DNAH12: variants seen among roughly 807,000 people sequenced by gnomAD.
The protein encoded by DNAH12 is axonemal beta dynein heavy chain 12.
Under a neutral mutation model 371.5 loss-of-function variants are expected in DNAH12, and 285 were observed. The ratio of observed to expected loss-of-function variants is 0.77; its 90% CI spans 0.70 to 0.85. The LOEUF (loss-of-function observed/expected upper bound fraction) is 0.85. Among genes scored for constraint, DNAH12 ranks in the 40% least tolerant of loss-of-function variants. The pLI is 0.00. For synonymous variants in DNAH12, 1,200 were observed against 1,213.0 expected (o/e 0.99, Z 0.22); for missense variants, 3,611 against 3,689.4 (o/e 0.98, Z 0.55).
chr3:57,475,525 T>C (rs1298902879), intron 13 of DNAH12, among the ~76,000 whole-genome samples: 1 of 152,188 alleles, frequency 6.6e-6, no homozygotes, highest in Non-Finnish European at 1.5e-5. Flanking sequence ...AACTGTATAC[T>C]TAAAAATGGT....
chr3:57,502,503 A>G (rs758997181), intron 9 of DNAH12, 24 bp from the exon 10 acceptor site: 2 of 1,600,006 alleles, frequency 1.3e-6, no homozygotes, highest in Admixed American at 3.3e-5. Flanking sequence ...AAATAATAAC[A>G]ATGTATACAA....
chr3:57,378,002 G>T (rs1327473492), intron 52 of DNAH12, among the ~76,000 whole-genome samples: 1 of 152,146 alleles, frequency 6.6e-6, no homozygotes, highest in African/African-American at 2.4e-5. Context: ...AGAGAGCAGT[G>T]TATCAGACAC....
intron 42 of DNAH12, among the ~76,000 whole-genome samples, chr3:57,404,149 G>A (rs868990405): frequency 6.6e-6 from 1 of 152,170 alleles, no homozygotes; most frequent in Middle Eastern, 3.4e-3. Context: ...AAGGAGACAC[G>A]GATGTGAATT....
Position 57,542,768 on chromosome 3 carries a change from G to C in DNAH12, c.103C>G (p.Pro35Ala), listed in dbSNP as rs763068645. Residue 35 changes from proline to alanine, a missense_variant, in exon 2 of 74, where the codon CCA (proline) becomes GCA (alanine). Physicochemically the swap from Pro to Ala is conservative, Grantham distance 27. Transcript: ENST00000495027. ...TATTTTAGCAGCTTACTTTGTGTTG[G>C]TGTATCAACGCCTATGTTTTCTGGG... Reference protein sequence around the residue: ...HLPENIGVDTPTQSKLLKYRR... With the variant: ...HLPENIGVDTATQSKLLKYRR... 1.9e-6 allele frequency: 3 copies of C among 1,612,328 alleles called. No individual in the cohort carries two copies. In the South Asian group the frequency reaches 3.3e-5, roughly 18 times the overall value.
chr3:57,450,332 T>G (rs111458897), intron 25 of DNAH12, among the ~76,000 whole-genome samples: 15,932 of 150,554 alleles, frequency 0.11, 988 homozygotes, highest in South Asian at 0.15. Flanking sequence ...GCAGATCACC[T>G]GAGGTAGGGA....
chr3:57,314,519 AAG>A lies in DNAH12; in HGVS notation c.10635_10636del (p.Leu3546AlafsTer13). ...CTGCAGTTGTCGGATACTGATGCGC[AAG>A]TCAGATTCATTAAATCCATATGGAA... On this transcript the variant is annotated frameshift_variant, in exon 66 of 74. Transcript: ENST00000495027. LOFTEE classifies it high-confidence loss of function. The A allele has an allele frequency of 6.4e-7, 1 of 1,551,190 alleles. No individual in the cohort carries two copies. The highest frequency in any genetic ancestry group is 8.7e-7 in the Non-Finnish European group (1 of 1,146,868).
intron 43 of DNAH12, among the ~76,000 whole-genome samples, chr3:57,395,732 C>T (rs985479784): frequency 1.5e-4 from 22 of 151,080 alleles, no homozygotes; most frequent in Non-Finnish European, 3.1e-4. Flanking sequence ...ATTTCTTGAG[C>T]CCAGGAGTTT....
chr3:57,537,212 G>T (rs1353164337), intron 2 of DNAH12, among the ~76,000 whole-genome samples: 4 of 151,808 alleles, frequency 2.6e-5, no homozygotes, highest in African/African-American at 7.3e-5. Context: ...AAAAGAGGGG[G>T]TGGCAAAAAC....
chr3:57,390,577 A>G (rs924867790), intron 45 of DNAH12, among the ~76,000 whole-genome samples: 1 of 148,252 alleles, frequency 6.7e-6, no homozygotes, highest in Admixed American at 6.8e-5. Context: ...ACCAGAAACT[A>G]TTTTTTTTCT....
chr3:57,531,767 C>CA (rs35142998), intron 2 of DNAH12, among the ~76,000 whole-genome samples: 3,620 of 48,562 alleles, frequency 0.075, 209 homozygotes, highest in East Asian at 0.18. Flanking sequence ...CACTCCATCT[C>CA]AAAAAAAAAA....
At chr3:57,396,284 A>AC (rs2063735320) in intron 43 of DNAH12, among the ~76,000 whole-genome samples, 4 of 73,294 alleles carry the variant, frequency 5.5e-5, no homozygotes, top group African/African-American at 2.0e-4. Context: ...ATCTCAAAAA[A>AC]AAAAACAAAA....
Position 57,508,490 on chromosome 3 carries a change from T to C in DNAH12, c.593A>G (p.Asn198Ser). The C allele has an allele frequency of 1.9e-6, 3 of 1,613,266 alleles. No homozygotes were observed. The highest frequency in any genetic ancestry group is 1.7e-6 in the Non-Finnish European group (2 of 1,179,840). Reference protein sequence around the residue: ...PWHSSYVQARNQIFSNLHIIH... With the variant: ...PWHSSYVQARSQIFSNLHIIH... ...AATGTGCAAATTAGAGAATATTTGA[T>C]TTCTTGCCTGCACATAGCTAGAATG... is the stretch of plus-strand genomic sequence containing the variant. Residue 198 changes from asparagine (N) to serine (S), a missense_variant, in exon 7 of 74, where the codon AAT (asparagine) becomes AGT (serine). Asn to Ser is a conservative substitution (Grantham distance 46). Around this residue, in one of 3 missense-constraint regions of DNAH12, gnomAD observed 1,314 missense variants for 1,398.7 expected, o/e 0.94. Transcript: ENST00000495027.
At chr3:57,369,286 A>C (rs1208692349) in intron 55 of DNAH12, among the ~76,000 whole-genome samples, 2 of 106,174 alleles carry the variant, frequency 1.9e-5, no homozygotes, top group Admixed American at 1.8e-4. Context: ...TTTTACATAT[A>C]ATATAGAATT....
At chr3:57,324,309 G>A (rs892254878) in intron 62 of DNAH12, among the ~76,000 whole-genome samples, 4 of 152,100 alleles carry the variant, frequency 2.6e-5, no homozygotes, top group East Asian at 1.9e-4. Context: ...TCATTTATAC[G>A]CTAATACTCA....
chr3:57,519,790 A>G, intron 4 of DNAH12: 2 of 1,503,470 alleles, frequency 1.3e-6, no homozygotes, highest in African/African-American at 1.4e-5. Flanking sequence ...CAAGACCACA[A>G]CACAGTCCTC....
At chr3:57,488,963 C>G (rs139476829) in intron 12 of DNAH12, among the ~76,000 whole-genome samples, 1 of 135,656 alleles carries the variant, frequency 7.4e-6, no homozygotes, top group African/African-American at 2.5e-5. Flanking sequence ...TGTGTGTGCA[C>G]GTGCGTGTGT....
upstream of DNAH12, among the ~76,000 whole-genome samples, chr3:57,546,282 C>T (rs1216737741): frequency 6.6e-6 from 1 of 152,142 alleles, no homozygotes; most frequent in African/African-American, 2.4e-5. Context: ...TCTTATTAAA[C>T]GTTCGTTCTA....
intron 20 of DNAH12, 108 bp from the exon 21 acceptor site, chr3:57,458,328 T>C: frequency 7.8e-7 from 1 of 1,286,558 alleles, no homozygotes; most frequent in Non-Finnish European, 1.0e-6. Context: ...AAAAGGTTTA[T>C]GAAAAAATGT....
Position 57,382,331 on chromosome 3 carries a change from C to T in DNAH12, c.7923G>A (p.Met2641Ile), listed in dbSNP as rs1349543624. Reference sequence around the variant, plus strand: ...TATCTTTCATGACACAAACAGCAGCCATAACTAGTTTAACACCAGATGGAG... The same window carrying T: ...TATCTTTCATGACACAAACAGCAGCTATAACTAGTTTAACACCAGATGGAG... ...KNPPSGVKLV[M>I]AAVCVMKDIK... is the part of the protein sequence containing the mutation. Residue 2641 changes from methionine to isoleucine, a missense_variant, in exon 50 of 74, where the codon ATG becomes ATA. Transcript: ENST00000495027. 2 of 151,958 alleles carry T rather than the reference C, an allele frequency of 1.3e-5. No homozygotes were observed. Among genetic ancestry groups the T allele is most frequent in the African/African-American group, 4.8e-5 (2 of 41,348 alleles). 9.4% of individuals were successfully genotyped at this position (151,958 alleles called of 1,614,324 possible).
Sources: allele counts gnomAD v4.1 joint callset (sites outside exome capture counted in the v4.1 genomes callset), GRCh38; gene constraint gnomAD v4.1.1; regional missense constraint gnomAD v4.1.1; transcripts MANE v1.5; gene names NCBI Gene and HGNC (gene_info 2026-07-23, HGNC 2026-07-21).